ZNF91: variants seen among roughly 807,000 people sequenced by gnomAD.
ZNF91 encodes the protein zinc finger protein 91.
In ZNF91, 7 loss-of-function variants were observed where a neutral mutation model predicts 12.6. The ratio of observed to expected loss-of-function variants is 0.55; its 90% CI spans 0.31 to 1.04. ZNF91 has a LOEUF of 1.04. ZNF91 is among the 50% of genes least tolerant of loss of function. ZNF91 has a pLI of 0.05. For missense variants in ZNF91, 1,217 were observed against 1,385.4 expected, an observed-to-expected ratio of 0.88 and a Z score of 1.93; for synonymous variants, 453 against 462.6, an observed-to-expected ratio of 0.98 and a Z score of 0.27.
intron 1 of ZNF91, chr19:23,380,643 T>C (rs1244109806): frequency 1.3e-5 from 2 of 152,138 alleles, no homozygotes; most frequent in African/African-American, 2.4e-5. Context: ...TGAGATTACA[T>C]ATAAGATTGA....
chr19:23,350,963 G>A lies in ZNF91; in HGVS notation c.254-11909C>T, dbSNP rs148049289. Among the ~76,000 whole-genome samples the A allele has an allele frequency of 2.6e-5, 4 of 152,066 alleles. No homozygotes were observed. The East Asian group carries it at 7.8e-4, about 30-fold the overall frequency. On this transcript the variant is annotated intron_variant, in intron 3 of 3. Transcript: ENST00000599743. ...ATTGCCTCATCTTGTCTGTTGGCAC[G>A]CTCTCAGGGTTCGAACCAATATAAG...
Position 23,361,817 on chromosome 19 carries a change from T to G in ZNF91, c.1162A>C (p.Lys388Gln), listed in dbSNP as rs759911594. 1 of 1,609,230 alleles carries G rather than the reference T, an allele frequency of 6.2e-7. No individual in the cohort carries two copies. The highest frequency in any genetic ancestry group is 1.7e-5 in the Admixed American group (1 of 59,840). ...TGTTTAGTAAGGGTTGAGAGTCGCT[T>G]AAAAGCTTTGTCACATTCTTTACAT... ...YKCKECDKAF[K>Q]RLSTLTKHKI... The change falls in exon 4 of 4, where the codon AAG becomes CAG. Residue 388 changes from lysine to glutamine, a missense_variant. Physicochemically the swap from Lys to Gln is moderately conservative, Grantham distance 53. Coordinates refer to ENST00000300619, the MANE Select transcript of ZNF91 (RefSeq NM_003430.4).
intron 1 of ZNF91, among the ~76,000 whole-genome samples, chr19:23,320,496 A>T (rs1278270049): frequency 1.3e-5 from 2 of 152,190 alleles, no homozygotes; most frequent in Non-Finnish European, 2.9e-5. Context: ...GCAGAAGGAG[A>T]ATCAGGAACC....
At chr19:23,393,762 G>A (rs990167303) in intron 1 of ZNF91, among the ~76,000 whole-genome samples, 16 of 152,176 alleles carry the variant, frequency 1.1e-4, no homozygotes, top group East Asian at 5.8e-4. Flanking sequence ...CTCTTTGGGA[G>A]GCCGAAGTGG....
chr19:23,344,943 C>T (rs1968192456), intron 3 of ZNF91, among the ~76,000 whole-genome samples: 1 of 152,190 alleles, frequency 6.6e-6, no homozygotes, highest in Non-Finnish European at 1.5e-5. Flanking sequence ...CCTCCAGTCG[C>T]CTGTCTGTGC....
At chr19:23,352,062 C>T (rs956538900) in intron 3 of ZNF91, among the ~76,000 whole-genome samples, 2 of 152,158 alleles carry the variant, frequency 1.3e-5, no homozygotes, top group Admixed American at 6.5e-5. Context: ...CAGGGGAAGG[C>T]GAGAACCTGG....
intron 3 of ZNF91, among the ~76,000 whole-genome samples, chr19:23,305,667 A>C (rs1331473628): frequency 6.6e-6 from 1 of 152,192 alleles, no homozygotes; most frequent in African/African-American, 2.4e-5. Flanking sequence ...CAATAAGCTC[A>C]GCCCAGCTGA....
intron 1 of ZNF91, among the ~76,000 whole-genome samples, chr19:23,332,193 C>T (rs1967939078): frequency 6.6e-6 from 1 of 152,154 alleles, no homozygotes; most frequent in Non-Finnish European, 1.5e-5. Flanking sequence ...GATAGGAATC[C>T]AGTCTGTAAG....
Position 23,359,836 on chromosome 19 carries a change from T to C in ZNF91, c.3143A>G (p.Lys1048Arg), listed in dbSNP as rs1312444620. Residue 1048 changes from lysine (K) to arginine (R), a missense_variant, in exon 4 of 4, where the codon AAA becomes AGA. By Grantham distance (26) the Lys-to-Arg change is conservative. Transcript: ENST00000300619. ...TTHKIIHTGE[K>R]PYKCEECGKA... ...GCCACATTCTTCACACTTGTAAGGTTTCTCTCCAGTATGAATTATCTTATG... is the reference window on the plus strand; with the variant it reads ...GCCACATTCTTCACACTTGTAAGGTCTCTCTCCAGTATGAATTATCTTATG... 3.1e-6 allele frequency: 5 copies of C among 1,614,036 alleles called. No individual in the cohort carries two copies. Among genetic ancestry groups the C allele is most frequent in the Non-Finnish European group, 2.5e-6 (3 of 1,179,988 alleles).
chr19:23,370,043 C>A (rs4932706), intron 3 of ZNF91, among the ~76,000 whole-genome samples: 129,496 of 148,050 alleles, frequency 0.87, 57,070 homozygotes, highest in African/African-American at 0.97. Flanking sequence ...AACAAACAAA[C>A]AAAACTTATA....
intron 1 of ZNF91, among the ~76,000 whole-genome samples, chr19:23,388,537 C>G (rs572444216): frequency 9.2e-5 from 14 of 152,118 alleles, no homozygotes; most frequent in African/African-American, 3.1e-4. Flanking sequence ...AAGATTATGC[C>G]CTTTATAGCA....
At chr19:23,332,015 C>G (rs1967935687) in intron 1 of ZNF91, among the ~76,000 whole-genome samples, 1 of 152,164 alleles carries the variant, frequency 6.6e-6, no homozygotes, top group South Asian at 2.1e-4. Flanking sequence ...ACAAACAAAT[C>G]TGTCTAGAGT....
chr19:23,332,810 G>A (rs1967948503), intron 1 of ZNF91, among the ~76,000 whole-genome samples: 1 of 152,142 alleles, frequency 6.6e-6, no homozygotes, highest in African/African-American at 2.4e-5. Context: ...GTTACTACAT[G>A]AACTGACTGA....
intron 1 of ZNF91, chr19:23,327,249 C>G (rs1245712551): frequency 6.6e-6 from 1 of 152,090 alleles, no homozygotes; most frequent in Non-Finnish European, 1.5e-5. Flanking sequence ...TAAAAAGAAT[C>G]ATGTGTACTG....
At chr19:23,384,765 C>T (rs979700441) in intron 1 of ZNF91, 9 of 635,810 alleles carry the variant, frequency 1.4e-5, no homozygotes, top group East Asian at 2.8e-5. Context: ...GTCAGCTCCC[C>T]GGGCATAGTA....
chr19:23,368,933 A>G (rs1431713316), intron 3 of ZNF91, among the ~76,000 whole-genome samples: 1 of 152,152 alleles, frequency 6.6e-6, no homozygotes, highest in Non-Finnish European at 1.5e-5. Context: ...TTAAAATCAC[A>G]ATGAGAAACA....
At chr19:23,394,913 G>A (rs1440305484) in intron 1 of ZNF91, among the ~76,000 whole-genome samples, 3 of 151,982 alleles carry the variant, frequency 2.0e-5, no homozygotes, top group Non-Finnish European at 2.9e-5. Flanking sequence ...ATCTTTTCGC[G>A]GTGACGCCCA....
intron 3 of ZNF91, among the ~76,000 whole-genome samples, chr19:23,340,396 A>G (rs1328541203): frequency 6.6e-6 from 1 of 152,170 alleles, no homozygotes; most frequent in African/African-American, 2.4e-5. Flanking sequence ...AAACGATTAT[A>G]AACAACTAGA....
chr19:23,380,328 G>C (rs1440300780), intron 1 of ZNF91: 1 of 137,850 alleles, frequency 7.3e-6, no homozygotes, highest in East Asian at 2.2e-4. Flanking sequence ...TGCAGAAGGA[G>C]AGCTTGCAGG....
Sources: gnomAD v4.1 joint callset for allele counts (sites outside exome capture counted in the v4.1 genomes callset) on GRCh38, gnomAD v4.1.1 for gene constraint, MANE v1.5 for transcripts, NCBI Gene and HGNC (gene_info 2026-07-23, HGNC 2026-07-21) for gene names.